The following TAX1BP1 variants were observed in gnomAD, a reference collection of about 807,000 sequenced individuals.
TAX1BP1 encodes the protein Tax1 binding protein 1, also known as tax1-binding protein 1.
Under a neutral mutation model 97.7 loss-of-function variants are expected in TAX1BP1, and 62 were observed. The ratio of observed to expected loss-of-function variants is 0.63; its 90% CI spans 0.52 to 0.78. The LOEUF is 0.78. Ranked by LOEUF, TAX1BP1 falls within the 30% of genes least tolerant of loss-of-function variation. TAX1BP1 has a pLI of 0.00. For missense variants in TAX1BP1, 867 were observed against 916.1 expected (o/e 0.95, Z 0.69); for synonymous variants, 340 against 304.2 (o/e 1.12, Z -1.23).
intron 2 of TAX1BP1, among the ~76,000 whole-genome samples, chr7:27,754,773 C>T (rs1011867999): frequency 1.3e-4 from 19 of 151,830 alleles, no homozygotes; most frequent in African/African-American, 4.1e-4. Context: ...TTAGTAGAGA[C>T]GGGGTTTCAC....
chr7:27,784,505 G>A (rs775313245), intron 5 of TAX1BP1, among the ~76,000 whole-genome samples: 3 of 152,190 alleles, frequency 2.0e-5, no homozygotes, highest in Admixed American at 2.0e-4. Flanking sequence ...TTAGGCATAT[G>A]TTAGTGCTTT....
chr7:27,803,400 C>G (rs1280385669), intron 13 of TAX1BP1, among the ~76,000 whole-genome samples: 1 of 152,184 alleles, frequency 6.6e-6, no homozygotes, highest in Non-Finnish European at 1.5e-5. Context: ...ACCTCACATT[C>G]ACATAGAGCA....
Position 27,825,542 on chromosome 7 carries a change from T to C in TAX1BP1, c.2086-2196T>C, listed in dbSNP as rs535908418. ...TTTCTCATTATAACATGTAGAATTA[T>C]ACTCTTGAGCCCCTCTCCCCTTTTA... On this transcript the variant is annotated intron_variant, in intron 15 of 16. Coordinates refer to ENST00000396319, the MANE Select transcript of TAX1BP1 (RefSeq NM_006024.7). Among the ~76,000 whole-genome samples the C allele has an allele frequency of 9.2e-5, 14 of 152,352 alleles. No homozygotes were observed. The East Asian group carries it at 2.7e-3, about 29-fold the overall frequency.
intron 16 of TAX1BP1, among the ~76,000 whole-genome samples, chr7:27,828,162 AGTATTTTTGGCCAAAAACAAAAACAT>A (rs1272125381): frequency 1.4e-4 from 21 of 152,216 alleles, no homozygotes; most frequent in Admixed American, 1.4e-3. Context: ...TTAAAAATAC[AGTATTTTTGGCCAAAAACAAAAACAT>A]GTCCTCCGAC....
At chr7:27,766,796 A>G (rs1243474909) in intron 4 of TAX1BP1, among the ~76,000 whole-genome samples, 1 of 152,218 alleles carries the variant, frequency 6.6e-6, no homozygotes, top group Non-Finnish European at 1.5e-5. Flanking sequence ...TTTCACTACC[A>G]TGAGCATTCT....
intron 15 of TAX1BP1, among the ~76,000 whole-genome samples, chr7:27,820,390 G>C (rs188920914): frequency 1.3e-5 from 2 of 152,248 alleles, no homozygotes; most frequent in Admixed American, 1.3e-4. Flanking sequence ...AGAAGCGTCT[G>C]TTACTCCAAA....
rs555488175 is a variant in TAX1BP1, at chr7:27,828,882, C to A, written c.*53C>A. On this transcript the variant is annotated 3_prime_UTR_variant, in exon 17 of 17. Coordinates refer to ENST00000396319, the MANE Select transcript of TAX1BP1 (RefSeq NM_006024.7). ...TTAGCAGTAAAAAAAAAAAAAAAAA[C>A]CACACCTAAAATAGACCACTGAGGA... 0.013 allele frequency: 11,305 copies of A among 864,192 alleles called. 58 individuals carry two copies. Among genetic ancestry groups the A allele is most frequent in the African/African-American group, 0.037 (2,065 of 55,472 alleles). The allele number at this position is 864,192 out of a possible 1,614,324, so 53.5% of individuals were successfully genotyped here.
intron 2 of TAX1BP1, among the ~76,000 whole-genome samples, chr7:27,749,117 T>G (rs968639507): frequency 3.3e-5 from 5 of 152,246 alleles, no homozygotes; most frequent in African/African-American, 1.2e-4. Flanking sequence ...TACACAGTTT[T>G]AAGAGTATTC....
rs1169927331 is a variant in TAX1BP1 at position 27,748,520 on chromosome 7, T to G, written c.-5T>G. The G allele has an allele frequency of 1.3e-6, 2 of 1,576,348 alleles. No individual in the cohort carries two copies. The highest frequency in any genetic ancestry group is 1.7e-6 in the Non-Finnish European group (2 of 1,157,704). On this transcript the variant is annotated splice_region_variant and 5_prime_UTR_variant, in exon 2 of 17. In the 5' UTR this introduces an upstream ATG that the reference lacks. Coordinates refer to ENST00000396319, the MANE Select transcript of TAX1BP1 (RefSeq NM_006024.7). ...CTTGTATGAATTACTTGTTTCAGAT[T>G]CACAATGACATCCTTTCAAGAAGTC...
In TAX1BP1 at chr7:27,781,629, G is replaced by A. The variant is rs371563462; in HGVS notation, c.613-3534G>A. 1.0e-3 allele frequency among the ~76,000 whole-genome samples: 157 copies of A among 152,274 alleles called. 1 individual carries two copies. The highest frequency in any genetic ancestry group is 1.9e-3 in the Non-Finnish European group (127 of 68,018). On this transcript the variant is annotated intron_variant, in intron 5 of 16. Transcript: ENST00000396319. ...AGGTTATTCAGGGAGTGAGTAGTGAGTGAATGTGAAGGCCCAGGGCATTGC... is the reference window on the plus strand; with the variant it reads ...AGGTTATTCAGGGAGTGAGTAGTGAATGAATGTGAAGGCCCAGGGCATTGC...
At chr7:27,788,322 G>A (rs975212752) in intron 8 of TAX1BP1, among the ~76,000 whole-genome samples, 1 of 151,946 alleles carries the variant, frequency 6.6e-6, no homozygotes, top group African/African-American at 2.4e-5. Flanking sequence ...TTTGTTTAAA[G>A]TTATGCCTAC....
intron 2 of TAX1BP1, among the ~76,000 whole-genome samples, chr7:27,757,224 A>T (rs1257539013): frequency 4.6e-5 from 7 of 152,150 alleles, no homozygotes; most frequent in Non-Finnish European, 8.8e-5. Flanking sequence ...TGTTTTAAAC[A>T]TCTCCAATTT....
intron 5 of TAX1BP1, among the ~76,000 whole-genome samples, chr7:27,778,959 C>T (rs1204254807): frequency 6.6e-6 from 1 of 151,908 alleles, no homozygotes; most frequent in Non-Finnish European, 1.5e-5. Context: ...TTTTATCATC[C>T]TGCAAAGAAA....
intron 1 of TAX1BP1, among the ~76,000 whole-genome samples, chr7:27,747,676 G>C (rs946972906): frequency 6.6e-6 from 1 of 152,088 alleles, no homozygotes; most frequent in African/African-American, 2.4e-5. Flanking sequence ...AAGAAGACAG[G>C]CTGGGTCTGG....
rs1789926176 is a variant in TAX1BP1 at position 27,796,191 on chromosome 7, A to C, written c.1610A>C (p.Lys537Thr). The C allele has an allele frequency of 4.4e-6, 7 of 1,590,944 alleles. No individual in the cohort carries two copies. Among genetic ancestry groups the C allele is most frequent in the Non-Finnish European group, 6.0e-6 (7 of 1,173,834 alleles). ...MTKEIADKTE[K>T]YNKCKQLLQD... ...AAAGAAATTGCTGACAAAACAGAAA[A>C]GTATAATAAATGTAAACAACTCTTG... The change falls in exon 12 of 17, where the codon AAG becomes ACG. Residue 537 changes from lysine (K) to threonine (T), a missense_variant. Physicochemically the swap from Lys to Thr is moderately conservative, Grantham distance 78. Around this residue, in one of 3 missense-constraint regions of TAX1BP1, gnomAD observed 822 missense variants for 851.4 expected, o/e 0.97. Transcript: ENST00000396319.
At chr7:27,801,342 T>C (rs1446284181) in intron 13 of TAX1BP1, among the ~76,000 whole-genome samples, 1 of 152,132 alleles carries the variant, frequency 6.6e-6, no homozygotes, top group Non-Finnish European at 1.5e-5. Flanking sequence ...TACTTTAGTT[T>C]TCCCTTTTAG....
chr7:27,794,404 A>T lies in TAX1BP1; in HGVS notation c.1492A>T (p.Thr498Ser). 1 of 1,612,908 alleles carries T rather than the reference A, an allele frequency of 6.2e-7. No homozygotes were observed. The highest frequency in any genetic ancestry group is 2.2e-5 in the East Asian group (1 of 44,822). Residue 498 changes from threonine (T) to serine (S), a missense_variant, in exon 11 of 17, where the codon ACT becomes TCT. Coordinates refer to ENST00000396319, the MANE Select transcript of TAX1BP1 (RefSeq NM_006024.7). Reference sequence around the variant, plus strand: ...TGCTTCAGTAAACACAGACCCAGCCACTTCTGCCTCTACTGTAGATGTAAA... The same window carrying T: ...TGCTTCAGTAAACACAGACCCAGCCTCTTCTGCCTCTACTGTAGATGTAAA... ...NDASVNTDPA[T>S]SASTVDVKPS...
At chr7:27,825,620 TTA>T (rs1278329856) in intron 15 of TAX1BP1, among the ~76,000 whole-genome samples, 2 of 152,214 alleles carry the variant, frequency 1.3e-5, no homozygotes, top group African/African-American at 4.8e-5. Context: ...CATTGCCAAA[TTA>T]TATATGACTT....
chr7:27,764,401 A>G (rs1357641845), intron 3 of TAX1BP1, among the ~76,000 whole-genome samples: 1 of 152,102 alleles, frequency 6.6e-6, no homozygotes, highest in Non-Finnish European at 1.5e-5. Context: ...ATGTTTTCTC[A>G]TGATTAGATT....
Sources: gnomAD v4.1 joint callset for allele counts (sites outside exome capture counted in the v4.1 genomes callset) on GRCh38, gnomAD v4.1.1 for gene constraint, gnomAD v4.1.1 regional missense constraint, MANE v1.5 for transcripts, NCBI Gene and HGNC (gene_info 2026-07-23, HGNC 2026-07-21) for gene names.